MIB1: variants seen among roughly 807,000 people sequenced by gnomAD.
MIB1 encodes the protein E3 ubiquitin-protein ligase MIB1.
A neutral mutation model predicts 124.5 loss-of-function variants in MIB1; 278 were observed. That is an observed-to-expected ratio of 2.23 (90% CI 2.02 to 2.47). The LOEUF (loss-of-function observed/expected upper bound fraction) is 2.47. Ranked by LOEUF, MIB1 falls within the 30% of genes most tolerant of loss-of-function variation. The probability of loss-of-function intolerance (pLI) is 0.00; values close to 1 mark genes in which losing one functional copy is unlikely to be tolerated. For synonymous variants in MIB1, 446 were observed against 429.4 expected, an observed-to-expected ratio of 1.04 and a Z score of -0.48; for missense variants, 957 against 1,254.4, an observed-to-expected ratio of 0.76 and a Z score of 3.58.
intron 20 of MIB1, among the ~76,000 whole-genome samples, chr18:21,864,320 A>T (rs1389204492): frequency 1.3e-5 from 2 of 152,068 alleles, no homozygotes; most frequent in African/African-American, 4.8e-5. Context: ...AGTACCTTTC[A>T]TACTATCCTG....
At chr18:21,709,793 G>T (rs1214931824) in intron 1 of MIB1, among the ~76,000 whole-genome samples, 1 of 152,222 alleles carries the variant, frequency 6.6e-6, no homozygotes, top group Non-Finnish European at 1.5e-5. Flanking sequence ...GCCTAGGGAA[G>T]ATCAGAAAAG....
At chr18:21,795,592 A>G (rs2041569629) in intron 7 of MIB1, among the ~76,000 whole-genome samples, 1 of 151,632 alleles carries the variant, frequency 6.6e-6, no homozygotes. Flanking sequence ...TTGAAATCAC[A>G]TACATATTTA....
At chr18:21,847,978 T>C (rs1568226044) in intron 16 of MIB1, among the ~76,000 whole-genome samples, 2 of 152,228 alleles carry the variant, frequency 1.3e-5, no homozygotes, top group Non-Finnish European at 2.9e-5. Flanking sequence ...CTGGTTCTTG[T>C]CACTGAAATT....
At chr18:21,744,786 C>T (rs1024188462) in intron 1 of MIB1, among the ~76,000 whole-genome samples, 16 of 152,346 alleles carry the variant, frequency 1.1e-4, no homozygotes, top group African/African-American at 3.8e-4. Context: ...TCGTATGTCT[C>T]ATTAATTATA....
At position 21,791,449 on chromosome 18, in the gene MIB1, A is replaced by G. The variant is rs774687945; in HGVS notation, c.984A>G (p.Gly328=). ...RSGDAAQGAE[G]GTSQFQVGDL... Reference sequence around the variant, plus strand: ...GAGATGCTGCTCAGGGTGCAGAAGGAGGCACCTCGCAGTTTCAAGTGGGTG... The same window carrying G: ...GAGATGCTGCTCAGGGTGCAGAAGGGGGCACCTCGCAGTTTCAAGTGGGTG... Residue 328 remains glycine (G), a synonymous_variant, in exon 7 of 21, where the codon GGA becomes GGG. Transcript: ENST00000261537. 1.9e-6 allele frequency: 3 copies of G among 1,613,952 alleles called. No homozygotes were observed. Among genetic ancestry groups the G allele is most frequent in the Non-Finnish European group, 8.5e-7 (1 of 1,179,962 alleles).
chr18:21,825,866 G>C (rs550713138), intron 12 of MIB1: 1 of 397,914 alleles, frequency 2.5e-6, no homozygotes, highest in Non-Finnish European at 5.2e-6. Context: ...ACAAGTGTTA[G>C]AAATTATCAT....
intron 20 of MIB1, among the ~76,000 whole-genome samples, chr18:21,861,497 A>G (rs2042275790): frequency 6.6e-6 from 1 of 152,024 alleles, no homozygotes; most frequent in African/African-American, 2.4e-5. Flanking sequence ...ATTCTGCTCT[A>G]CTATATCCAA....
upstream of MIB1, among the ~76,000 whole-genome samples, chr18:21,737,357 T>C (rs2040800959): frequency 6.6e-6 from 1 of 152,162 alleles, no homozygotes; most frequent in Admixed American, 6.5e-5. Context: ...CCACCAGGCC[T>C]GCCTTATAAG....
At chr18:21,723,919 C>A (rs1220229131) in intron 1 of MIB1, among the ~76,000 whole-genome samples, 1 of 151,374 alleles carries the variant, frequency 6.6e-6, no homozygotes, top group Non-Finnish European at 1.5e-5. Flanking sequence ...CCTTTATTGC[C>A]CACACTGGTC....
intron 1 of MIB1, among the ~76,000 whole-genome samples, chr18:21,763,592 C>G (rs1406644712): frequency 6.6e-6 from 1 of 151,904 alleles, no homozygotes. Context: ...GTTGGTGACT[C>G]CCTTCTTGTT....
intron 10 of MIB1, among the ~76,000 whole-genome samples, chr18:21,815,068 T>G (rs2041817347): frequency 7.4e-6 from 1 of 135,082 alleles, no homozygotes; most frequent in Admixed American, 7.3e-5. Flanking sequence ...AAATTATATA[T>G]AAATGTATAT....
chr18:21,807,122 G>A (rs530643210), intron 10 of MIB1, among the ~76,000 whole-genome samples: 1 of 152,210 alleles, frequency 6.6e-6, no homozygotes, highest in Admixed American at 6.5e-5. Flanking sequence ...AAACTATATT[G>A]AAAAATTGAG....
intron 1 of MIB1, among the ~76,000 whole-genome samples, chr18:21,754,607 A>G (rs765396890): frequency 3.9e-5 from 6 of 152,218 alleles, no homozygotes; most frequent in Admixed American, 6.5e-5. Flanking sequence ...AGAAGCCATC[A>G]AGTGCATCCT....
intron 6 of MIB1, among the ~76,000 whole-genome samples, chr18:21,782,848 G>C (rs987514254): frequency 6.6e-6 from 1 of 152,110 alleles, no homozygotes; most frequent in African/African-American, 2.4e-5. Flanking sequence ...TTGATGATCT[G>C]TTCATTACTG....
intron 20 of MIB1, among the ~76,000 whole-genome samples, chr18:21,861,499 T>C (rs1412817957): frequency 6.6e-6 from 1 of 152,046 alleles, no homozygotes; most frequent in East Asian, 1.9e-4. Context: ...TCTGCTCTAC[T>C]ATATCCAAAG....
chr18:21,792,273 G>C (rs1191225223), intron 7 of MIB1, among the ~76,000 whole-genome samples: 5 of 151,896 alleles, frequency 3.3e-5, no homozygotes, highest in Admixed American at 6.6e-5. Context: ...TTCCTGTCCT[G>C]CCTGTCCCTC....
intron 12 of MIB1, among the ~76,000 whole-genome samples, chr18:21,833,701 C>T (rs1301763952): frequency 1.3e-5 from 2 of 152,168 alleles, no homozygotes; most frequent in Non-Finnish European, 2.9e-5. Context: ...TACTGCATAC[C>T]AGTGTAGACA....
rs1158136424 is a variant in MIB1, at chr18:21,803,902, T to A, written c.1372-5T>A. 4 of 1,604,018 alleles carry A rather than the reference T, an allele frequency of 2.5e-6. No individual in the cohort carries two copies. The highest frequency in any genetic ancestry group is 1.7e-5 in the Admixed American group (1 of 59,616). ...TTCTTTCATTCTTTTTTTTAAAAAA[T>A]GTAGGTAAATGGGCAATGTGCTGGC... is the stretch of plus-strand genomic sequence containing the variant. On this transcript the variant is annotated splice_region_variant and splice_polypyrimidine_tract_variant and intron_variant, in intron 9 of 20. Coordinates refer to ENST00000261537, the MANE Select transcript of MIB1 (RefSeq NM_020774.4).
intron 1 of MIB1, among the ~76,000 whole-genome samples, chr18:21,713,247 C>T (rs1241335149): frequency 7.3e-6 from 1 of 137,030 alleles, no homozygotes; most frequent in African/African-American, 2.9e-5. Context: ...GGGATTACAA[C>T]CCTGAGCCAC....
Sources: allele counts gnomAD v4.1 joint callset (sites outside exome capture counted in the v4.1 genomes callset), GRCh38; gene constraint gnomAD v4.1.1; transcripts MANE v1.5; gene names NCBI Gene and HGNC (gene_info 2026-07-23, HGNC 2026-07-21).